The following TAF3 variants were observed in gnomAD, a reference collection of about 807,000 sequenced individuals.
TAF3 encodes the protein TATA-box binding protein associated factor 3, also known as transcription initiation factor TFIID subunit 3.
In TAF3, 7 loss-of-function variants were observed where a neutral mutation model predicts 80.6. That is an observed-to-expected ratio of 0.09 (90% CI 0.05 to 0.16). The LOEUF is 0.16. Ranked by LOEUF, TAF3 falls within the 10% of genes least tolerant of loss-of-function variation. The pLI, the probability that TAF3 is intolerant of heterozygous loss-of-function variation, is 1.00. For synonymous variants in TAF3, 444 were observed against 446.1 expected, an observed-to-expected ratio of 1.00 and a Z score of 0.06; for missense variants, 921 against 1,140.2, an observed-to-expected ratio of 0.81 and a Z score of 2.77.
At chr10:7,845,253 T>C (rs1442619149) in intron 2 of TAF3, among the ~76,000 whole-genome samples, 1 of 151,512 alleles carries the variant, frequency 6.6e-6, no homozygotes, top group East Asian at 1.9e-4. Context: ...AAAAAAAAAA[T>C]CTCCCACTGG....
At chr10:7,863,626 A>AAAAAAAAATAT (rs1218836662) in intron 2 of TAF3, among the ~76,000 whole-genome samples, 1 of 48,096 alleles carries the variant, frequency 2.1e-5, no homozygotes, top group African/African-American at 7.8e-5. Context: ...AAAAAAAAAA[A>AAAAAAAAATAT]ATATATATAT....
At chr10:7,887,531 G>A (rs1478271434) in intron 2 of TAF3, among the ~76,000 whole-genome samples, 4 of 152,002 alleles carry the variant, frequency 2.6e-5, no homozygotes, top group African/African-American at 9.7e-5. Context: ...TTAGGGAAAG[G>A]AAGCCGGAGA....
At chr10:7,908,993 C>T (rs931997934) in intron 2 of TAF3, among the ~76,000 whole-genome samples, 2 of 152,228 alleles carry the variant, frequency 1.3e-5, no homozygotes, top group African/African-American at 2.4e-5. Context: ...TGGGAGTCCA[C>T]AGTGAAGAAT....
intron 2 of TAF3, among the ~76,000 whole-genome samples, chr10:7,840,995 A>C (rs754742000): frequency 5.9e-5 from 9 of 152,054 alleles, no homozygotes; most frequent in Non-Finnish European, 1.2e-4. Flanking sequence ...GATTACAGGC[A>C]CACGCTGCCA....
intron 4 of TAF3, among the ~76,000 whole-genome samples, chr10:7,998,253 A>ATATATATATG (rs1441973252): frequency 1.0e-4 from 11 of 106,042 alleles, no homozygotes; most frequent in African/African-American, 3.8e-4. Context: ...ATATATATAT[A>ATATATATATG]TATATATATA....
intron 2 of TAF3, among the ~76,000 whole-genome samples, chr10:7,889,589 C>G (rs557065067): frequency 1.3e-5 from 2 of 152,292 alleles, no homozygotes; most frequent in South Asian, 4.1e-4. Context: ...GCCTCCTGTC[C>G]CTTCCTCAAG....
At chr10:7,976,510 G>A (rs909730881) in intron 3 of TAF3, among the ~76,000 whole-genome samples, 1 of 151,822 alleles carries the variant, frequency 6.6e-6, no homozygotes, top group South Asian at 2.1e-4. Context: ...CGCCTCCCGG[G>A]TTCACACCAT....
At chr10:7,849,815 G>A (rs916883290) in intron 2 of TAF3, among the ~76,000 whole-genome samples, 1 of 151,954 alleles carries the variant, frequency 6.6e-6, no homozygotes, top group Non-Finnish European at 1.5e-5. Context: ...AAGTAGCTGG[G>A]ACCACAGGCA....
intron 2 of TAF3, among the ~76,000 whole-genome samples, chr10:7,871,625 G>C (rs1837267712): frequency 6.6e-6 from 1 of 151,662 alleles, no homozygotes; most frequent in African/African-American, 2.4e-5. Flanking sequence ...TGTATTTTTA[G>C]TAGAGACAGG....
chr10:7,820,056 C>G (rs972899055), intron 1 of TAF3, among the ~76,000 whole-genome samples: 2 of 152,208 alleles, frequency 1.3e-5, no homozygotes, highest in African/African-American at 4.8e-5. Flanking sequence ...GCCTGCCATG[C>G]TAATCTGCGA....
In TAF3 at chr10:7,965,994, C is replaced by G. The variant is rs561620318; in HGVS notation, c.2232+252C>G. ...CATCTAATCACAGACTATAAACTCTCTATTAGCTATAGTGATCTCTGGCAG... is the reference window on the plus strand; with the variant it reads ...CATCTAATCACAGACTATAAACTCTGTATTAGCTATAGTGATCTCTGGCAG... On this transcript the variant is annotated intron_variant, in intron 3 of 6. Transcript: ENST00000344293. Among the ~76,000 whole-genome samples the G allele has an allele frequency of 4.6e-5, 7 of 152,166 alleles. No homozygotes were observed. In the South Asian group the frequency reaches 1.5e-3, roughly 32 times the overall value.
chr10:7,870,839 T>A (rs1837258411), intron 2 of TAF3, among the ~76,000 whole-genome samples: 1 of 152,150 alleles, frequency 6.6e-6, no homozygotes, highest in African/African-American at 2.4e-5. Flanking sequence ...ACTCCATATT[T>A]AAGATGCTAA....
Position 7,959,839 on chromosome 10 carries a change from G to A in TAF3, c.410-4081G>A, listed in dbSNP as rs528292213. 1.4e-4 allele frequency among the ~76,000 whole-genome samples: 21 copies of A among 152,258 alleles called. 1 individual carries two copies. The highest frequency in any genetic ancestry group is 1.2e-3 in the Admixed American group (19 of 15,298). On this transcript the variant is annotated intron_variant, in intron 2 of 6. Transcript: ENST00000344293. ...TATACAGAAAAATCCAAATTTTCAA[G>A]TTATTGTAACTATAAAGCAGACCTT...
At chr10:7,925,109 G>A (rs79191449) in intron 2 of TAF3, among the ~76,000 whole-genome samples, 2 of 152,120 alleles carry the variant, frequency 1.3e-5, no homozygotes, top group African/African-American at 2.4e-5. Context: ...ACTAATACTG[G>A]CAACTTAACG....
chr10:7,824,174 T>C, intron 1 of TAF3, 144 bp from the exon 2 acceptor site: 3 of 982,176 alleles, frequency 3.1e-6, no homozygotes, highest in Non-Finnish European at 4.4e-6. Flanking sequence ...TGATACTCTT[T>C]AAAATCTATT....
At position 7,924,656 on chromosome 10, in the gene TAF3, C is replaced by A. The variant is rs191494258; in HGVS notation, c.410-39264C>A. ...GAGTGAACAAATATCCTTTAAAAAT[C>A]TATTCTTTTTTATTTTTAAATATGT... On this transcript the variant is annotated intron_variant, in intron 2 of 6. Transcript: ENST00000344293. Among the ~76,000 whole-genome samples, 354 of 152,156 alleles carry A rather than the reference C, an allele frequency of 2.3e-3. 1 individual carries two copies. Among genetic ancestry groups the A allele is most frequent in the African/African-American group, 8.0e-3 (333 of 41,500 alleles).
At chr10:7,872,361 G>T (rs1219675534) in intron 2 of TAF3, among the ~76,000 whole-genome samples, 5 of 151,994 alleles carry the variant, frequency 3.3e-5, no homozygotes, top group Admixed American at 2.6e-4. Flanking sequence ...ATTCTTTGTG[G>T]CAGAGTTTGT....
At chr10:7,863,565 G>A (rs1166379723) in intron 2 of TAF3, among the ~76,000 whole-genome samples, 3 of 134,814 alleles carry the variant, frequency 2.2e-5, no homozygotes, top group Admixed American at 1.7e-4. Context: ...AGCTGAGATC[G>A]CCCCACTGCA....
intron 2 of TAF3, among the ~76,000 whole-genome samples, chr10:7,897,897 C>T (rs908575776): frequency 2.0e-5 from 3 of 152,026 alleles, no homozygotes; most frequent in Admixed American, 1.3e-4. Context: ...CAGGGCCGAG[C>T]GATCCTCCCA....
Sources: allele counts gnomAD v4.1 joint callset (sites outside exome capture counted in the v4.1 genomes callset), GRCh38; gene constraint gnomAD v4.1.1; transcripts MANE v1.5; gene names NCBI Gene and HGNC (gene_info 2026-07-23, HGNC 2026-07-21).